Variants in RTN4R observed in about 807,000 individuals in gnomAD.
RTN4R encodes the protein reticulon 4 receptor.
RTN4R carries 4 observed loss-of-function variants against 27.7 expected under a neutral mutation model. The observed-to-expected ratio is 0.14, with a 90% CI of 0.07 to 0.33. The LOEUF (loss-of-function observed/expected upper bound fraction) is 0.33, where lower values mean the gene tolerates loss of function less well. Ranked by LOEUF, RTN4R falls within the 10% of genes least tolerant of loss-of-function variation. The pLI, the probability that RTN4R is intolerant of heterozygous loss-of-function variation, is 1.00. For missense variants in RTN4R, 554 were observed against 671.5 expected (o/e 0.83, Z 1.93); for synonymous variants, 290 against 305.6 (o/e 0.95, Z 0.53).
chr22:20,267,969 C>T, intron 1 of RTN4R, 102 bp downstream of exon 1: 1 of 653,390 alleles, frequency 1.5e-6, no homozygotes, highest in Non-Finnish European at 2.1e-6. Context: ...GCTTCCCTCG[C>T]CTCGGCAGCC....
chr22:20,250,856 C>T (rs1225982135), intron 1 of RTN4R, among the ~76,000 whole-genome samples: 2 of 76,472 alleles, frequency 2.6e-5, no homozygotes, highest in African/African-American at 7.7e-5. Context: ...CACATGCATG[C>T]ACACACACAC....
In RTN4R at chr22:20,242,875, C is replaced by A. The variant is rs1393700936; in HGVS notation, c.258G>T (p.Leu86=). The change falls in exon 2 of 2, where the codon CTG becomes CTT. Residue 86 remains leucine, a synonymous_variant. Transcript: ENST00000043402. ...GGGCCAGCACATTCGAGTGCAGCCA[C>A]AGGATGGTGAGGTTGCGGCAGGCAC... The part of the protein sequence containing the change: ...SFRACRNLTI[L]WLHSNVLARI... 14 of 1,612,736 alleles carry A rather than the reference C, an allele frequency of 8.7e-6. No individual in the cohort carries two copies. Among genetic ancestry groups the A allele is most frequent in the African/African-American group, 2.7e-5 (2 of 74,902 alleles).
Position 20,243,116 on chromosome 22 carries a change from G to C in RTN4R, c.23-6C>G, listed in dbSNP as rs1389644597. ...CCATGCCAGCAGCCGGCTCCCTGTG[G>C]GCAGAAGACAGAGTGGTTAGCAGGA... is the stretch of plus-strand genomic sequence containing the variant. On this transcript the variant is annotated splice_polypyrimidine_tract_variant and splice_region_variant and intron_variant, in intron 1 of 1. Coordinates refer to ENST00000043402, the MANE Select transcript of RTN4R (RefSeq NM_023004.6). 1.3e-6 allele frequency: 2 copies of C among 1,598,558 alleles called. No individual in the cohort carries two copies. Among genetic ancestry groups the C allele is most frequent in the Non-Finnish European group, 1.7e-6 (2 of 1,179,654 alleles).
chr22:20,257,958 C>T lies in RTN4R; in HGVS notation c.22+10113G>A, dbSNP rs193034194. 1.7e-3 allele frequency among the ~76,000 whole-genome samples: 262 copies of T among 152,282 alleles called. 1 individual carries two copies. The highest frequency in any genetic ancestry group is 0.011 in the South Asian group (51 of 4,826). ...GGGAGGTCTCAGGCAGGCCCCCCAA[C>T]GTCTCAGAACTGCTTCCCTCAGTTG... On this transcript the variant is annotated intron_variant, in intron 1 of 1. Coordinates refer to ENST00000043402, the MANE Select transcript of RTN4R (RefSeq NM_023004.6).
In RTN4R at chr22:20,243,371, C is replaced by G. The variant is rs931407060; in HGVS notation, c.23-261G>C. Reference sequence around the variant, plus strand: ...ATCTGCAGACTCCCCATACCACACCCAGGAGCAGCCCACTGGGTCACCAGG... The same window carrying G: ...ATCTGCAGACTCCCCATACCACACCGAGGAGCAGCCCACTGGGTCACCAGG... On this transcript the variant is annotated intron_variant, in intron 1 of 1. Coordinates refer to ENST00000043402, the MANE Select transcript of RTN4R (RefSeq NM_023004.6). 3 of 693,638 alleles carry G rather than the reference C, an allele frequency of 4.3e-6. No homozygotes were observed. The African/African-American group carries it at 5.3e-5, about 12-fold the overall frequency. 43.0% of individuals were successfully genotyped at this position (693,638 alleles called of 1,614,324 possible).
chr22:20,252,753 C>T (rs1487390599), intron 1 of RTN4R, among the ~76,000 whole-genome samples: 1 of 152,166 alleles, frequency 6.6e-6, no homozygotes, highest in Non-Finnish European at 1.5e-5. Flanking sequence ...GCTGCCCTCC[C>T]AGGGATGGCT....
chr22:20,247,420 A>C (rs1602640349), intron 1 of RTN4R, among the ~76,000 whole-genome samples: 1 of 150,330 alleles, frequency 6.7e-6, no homozygotes, highest in African/African-American at 2.5e-5. Flanking sequence ...GGGTCAGGGC[A>C]CCCCTCCCAC....
At chr22:20,251,916 T>C (rs143765227) in intron 1 of RTN4R, among the ~76,000 whole-genome samples, 80 of 380 alleles carry the variant, frequency 0.21, 39 homozygotes, top group African/African-American at 0.26. Context: ...CCACTATCCT[T>C]ATCACCATCA....
chr22:20,245,358 C>T (rs989322366), intron 1 of RTN4R, among the ~76,000 whole-genome samples: 1 of 152,218 alleles, frequency 6.6e-6, no homozygotes, highest in African/African-American at 2.4e-5. Context: ...TGGGGCCTGC[C>T]CGCTGGTCTC....
At chr22:20,247,370 A>T (rs976148038) in intron 1 of RTN4R, among the ~76,000 whole-genome samples, 3 of 152,042 alleles carry the variant, frequency 2.0e-5, no homozygotes, top group African/African-American at 7.2e-5. Flanking sequence ...AAATAGCTCC[A>T]GGCGGGGGTG....
intron 1 of RTN4R, chr22:20,249,085 C>T (rs2051159744): frequency 5.6e-6 from 3 of 531,680 alleles, no homozygotes; most frequent in South Asian, 1.4e-5. Context: ...CTCCTCCATG[C>T]TCCACCAGGA....
intron 1 of RTN4R, among the ~76,000 whole-genome samples, chr22:20,252,062 T>C (rs796820607): frequency 3.7e-5 from 2 of 54,286 alleles, no homozygotes; most frequent in African/African-American, 1.3e-4. Context: ...ATCACTATCA[T>C]CACCATCACC....
intron 1 of RTN4R, among the ~76,000 whole-genome samples, chr22:20,261,005 T>C (rs530410211): frequency 7.9e-5 from 12 of 152,276 alleles, no homozygotes; most frequent in African/African-American, 2.9e-4. Context: ...CCCACTGTCA[T>C]TTGGGCTCCC....
intron 1 of RTN4R, among the ~76,000 whole-genome samples, chr22:20,250,261 T>C (rs2051168022): frequency 6.6e-6 from 1 of 152,274 alleles, no homozygotes; most frequent in Non-Finnish European, 1.5e-5. Flanking sequence ...GGCTGGCTGC[T>C]GCTTCTGTAA....
At chr22:20,254,495 AAAC>A (rs925794833) in intron 1 of RTN4R, among the ~76,000 whole-genome samples, 2 of 149,298 alleles carry the variant, frequency 1.3e-5, no homozygotes, top group African/African-American at 5.0e-5. Flanking sequence ...AGATGCCAGG[AAAC>A]AACAACACTG....
At chr22:20,259,033 G>T (rs949331529) in intron 1 of RTN4R, among the ~76,000 whole-genome samples, 12 of 152,104 alleles carry the variant, frequency 7.9e-5, no homozygotes, top group African/African-American at 2.7e-4. Context: ...TGGACCACTG[G>T]GGCCTCAGGT....
At chr22:20,267,498 G>A (rs1306589957) in intron 1 of RTN4R, 1 of 406,154 alleles carries the variant, frequency 2.5e-6, no homozygotes. Context: ...TGCAGATGGC[G>A]GGCGTTGCTG....
At position 20,241,834 on chromosome 22, in the gene RTN4R, C is replaced by G. The variant is rs1296361027; in HGVS notation, c.1299G>C (p.Gln433His). 6.2e-7 allele frequency: 1 copy of G among 1,604,920 alleles called. No homozygotes were observed. Among genetic ancestry groups the G allele is most frequent in the Non-Finnish European group, 8.5e-7 (1 of 1,176,520 alleles). The change falls in exon 2 of 2, where the codon CAG (glutamine) becomes CAC (histidine). Residue 433 changes from glutamine to histidine, a missense_variant. By Grantham distance (24) the Gln-to-His change is conservative. Around this residue, in one of 2 missense-constraint regions of RTN4R, gnomAD observed 141 missense variants for 129.2 expected, o/e 1.09. Transcript: ENST00000043402. ...NRTRSHCRLG[Q>H]AGSGGGGTGD... is the part of the protein sequence containing the mutation. Reference sequence around the variant, plus strand: ...CAGTCCCGCCACCCCCGCTGCCTGCCTGGCCCAGACGGCAGTGGCTGCGGG... The same window carrying G: ...CAGTCCCGCCACCCCCGCTGCCTGCGTGGCCCAGACGGCAGTGGCTGCGGG...
Position 20,260,564 on chromosome 22 carries a change from G to A in RTN4R, c.22+7507C>T, listed in dbSNP as rs1170130719. On this transcript the variant is annotated intron_variant, in intron 1 of 1. Transcript: ENST00000043402. ...CAGCCCTCCCTCGACAGCCGTGCTG[G>A]TAGCTGGCCAGGCCCGGGTGAGTGA... Among the ~76,000 whole-genome samples, 4 of 152,308 alleles carry A rather than the reference G, an allele frequency of 2.6e-5. No individual in the cohort carries two copies. In the East Asian group the frequency reaches 5.8e-4, roughly 22 times the overall value.
Sources: gnomAD v4.1 joint callset for allele counts (sites outside exome capture counted in the v4.1 genomes callset) on GRCh38, gnomAD v4.1.1 for gene constraint, gnomAD v4.1.1 regional missense constraint, MANE v1.5 for transcripts, NCBI Gene and HGNC (gene_info 2026-07-23, HGNC 2026-07-21) for gene names.